Variants in RRM2 observed in about 807,000 individuals in gnomAD.
The protein encoded by RRM2 is ribonucleotide reductase regulatory subunit M2, also known as ribonucleoside-diphosphate reductase subunit M2.
A neutral mutation model predicts 45.9 loss-of-function variants in RRM2; 6 were observed. That is an observed-to-expected ratio of 0.13 (90% CI 0.07 to 0.26). The LOEUF (loss-of-function observed/expected upper bound fraction) is 0.26. RRM2 is among the 10% of genes least tolerant of loss of function. RRM2 has a pLI of 1.00. For synonymous variants in RRM2, 177 were observed against 173.0 expected (o/e 1.02, Z -0.18); for missense variants, 343 against 489.5 (o/e 0.70, Z 2.82).
intron 5 of RRM2, 139 bp downstream of exon 5, chr2:10,124,989 G>A: frequency 1.4e-6 from 1 of 723,314 alleles, no homozygotes; most frequent in East Asian, 2.6e-5. Context: ...CCGTGGTCAT[G>A]TCTGCTCTTA....
intron 3 of RRM2, chr2:10,146,278 G>T (rs199800149): frequency 1.3e-5 from 2 of 152,342 alleles, no homozygotes; most frequent in East Asian, 3.9e-4. Flanking sequence ...CCATGCCCTG[G>T]GCTGCCTCTT....
chr2:10,127,423 T>TA lies in RRM2; in HGVS notation c.798+204dup. 1.7e-6 allele frequency: 1 copy of TA among 584,306 alleles called. No homozygotes were observed. The highest frequency in any genetic ancestry group is 2.2e-5 in the South Asian group (1 of 46,356). 36.2% of individuals were successfully genotyped at this position (584,306 alleles called of 1,614,324 possible). On this transcript the variant is annotated intron_variant, in intron 7 of 9. Coordinates refer to ENST00000304567, the MANE Select transcript of RRM2 (RefSeq NM_001034.4). The surrounding 1 kb of genome is among the most constrained non-coding windows in gnomAD (Gnocchi z 4.1). ...TACTTGCATTCTCAATATATTGTAATACATTTGTACATATGTATTCCCCTA... is the reference window on the plus strand; with the variant it reads ...TACTTGCATTCTCAATATATTGTAATAACATTTGTACATATGTATTCCCCTA...
upstream of RRM2, among the ~76,000 whole-genome samples, chr2:10,137,944 C>T (rs1287789806): frequency 6.6e-6 from 1 of 152,184 alleles, no homozygotes; most frequent in Non-Finnish European, 1.5e-5. Context: ...AAGGGCACTT[C>T]CAGGTCCTGT....
At chr2:10,177,715 C>CTCCT (rs796693332) in intron 3 of RRM2, among the ~76,000 whole-genome samples, 3,727 of 150,900 alleles carry the variant, frequency 0.025, 170 homozygotes, top group African/African-American at 0.087. Context: ...TCCTCTCTCC[C>CTCCT]TCCCTCCCTC....
intron 5 of RRM2, 113 bp from the exon 6 acceptor site, chr2:10,126,762 G>C: frequency 1.3e-6 from 1 of 748,940 alleles, no homozygotes; most frequent in Non-Finnish European, 2.3e-6. Flanking sequence ...TTTAGGAAGA[G>C]GATTGGCAAA....
chr2:10,142,636 G>A (rs571835571), intron 3 of RRM2, among the ~76,000 whole-genome samples: 50 of 19,100 alleles, frequency 2.6e-3, no homozygotes, highest in African/African-American at 8.7e-3. Context: ...CAGTATAGCC[G>A]TATCCCTGCA....
Position 10,131,026 on chromosome 2 carries a change from C to G in RRM2, c.*1640C>G, listed in dbSNP as rs572272890. The G allele has an allele frequency of 2.6e-5, 4 of 152,168 alleles. No homozygotes were observed. The highest frequency in any genetic ancestry group is 7.2e-5 in the African/African-American group (3 of 41,520). 9.4% of individuals were successfully genotyped at this position (152,168 alleles called of 1,614,324 possible). A position where few individuals can be genotyped will look rare whatever the true frequency, so the allele number is the denominator to read the frequency against. On this transcript the variant is annotated 3_prime_UTR_variant, in exon 10 of 10. Coordinates refer to ENST00000304567, the MANE Select transcript of RRM2 (RefSeq NM_001034.4). ...GAGAGATAAATGTTGATCTTTTGGC[C>G]CCATTTGTTAATTGTATTCAGTATT...
chr2:10,192,132 C>T (rs2125329452), intron 3 of RRM2, among the ~76,000 whole-genome samples: 1 of 151,998 alleles, frequency 6.6e-6, no homozygotes, highest in Middle Eastern at 3.4e-3. Flanking sequence ...GGAGCCGCAG[C>T]CACCGTCCCA....
intron 3 of RRM2, among the ~76,000 whole-genome samples, chr2:10,160,156 A>C (rs111407618): frequency 0.023 from 3,454 of 151,924 alleles, 146 homozygotes; most frequent in African/African-American, 0.079. Flanking sequence ...ACCCTCCCCT[A>C]CGCCTTGCAC....
intron 3 of RRM2, among the ~76,000 whole-genome samples, chr2:10,182,712 C>T (rs1213740682): frequency 6.6e-6 from 1 of 152,190 alleles, no homozygotes; most frequent in East Asian, 1.9e-4. Context: ...CCGGCAGCTA[C>T]ATATCAGTGG....
At chr2:10,125,906 T>A (rs2125306788) in intron 5 of RRM2, among the ~76,000 whole-genome samples, 1 of 151,908 alleles carries the variant, frequency 6.6e-6, no homozygotes, top group African/African-American at 2.4e-5. Flanking sequence ...CGGGGGCAAA[T>A]GCCCAGAAGG....
At chr2:10,154,057 A>T (rs1663372009) in intron 3 of RRM2, among the ~76,000 whole-genome samples, 1 of 152,254 alleles carries the variant, frequency 6.6e-6, no homozygotes, top group Non-Finnish European at 1.5e-5. Flanking sequence ...GTTTTACCAC[A>T]ATTAAAGAGT....
At chr2:10,137,993 C>T (rs1416730689), upstream of RRM2, among the ~76,000 whole-genome samples, 1 of 152,078 alleles carries the variant, frequency 6.6e-6, no homozygotes, top group African/African-American at 2.4e-5. Context: ...TGACTTTAGG[C>T]TCCCTCTTTG....
intron 3 of RRM2, among the ~76,000 whole-genome samples, chr2:10,196,252 G>A (rs1298507171): frequency 6.6e-6 from 1 of 152,164 alleles, no homozygotes; most frequent in Non-Finnish European, 1.5e-5. Context: ...GGCCAGAGAG[G>A]GGTGGGGTGG....
chr2:10,186,989 G>T (rs1006159810), intron 3 of RRM2, among the ~76,000 whole-genome samples: 1 of 152,242 alleles, frequency 6.6e-6, no homozygotes, highest in Non-Finnish European at 1.5e-5. Flanking sequence ...TCCCCCGAAG[G>T]GGGGCTCAGA....
intron 3 of RRM2, among the ~76,000 whole-genome samples, chr2:10,143,770 C>T (rs1663134854): frequency 6.6e-6 from 1 of 152,182 alleles, no homozygotes; most frequent in Non-Finnish European, 1.5e-5. Flanking sequence ...TGGGTTCAAG[C>T]AATTCTCCTG....
rs1291378088 is a variant in RRM2 at position 10,195,894 on chromosome 2, G to A, written n.483-14417G>A. Among the ~76,000 whole-genome samples the A allele has an allele frequency of 2.0e-5, 3 of 152,188 alleles. No individual in the cohort carries two copies. Among genetic ancestry groups the A allele is most frequent in the African/African-American group, 7.2e-5 (3 of 41,444 alleles). On this transcript the variant is annotated intron_variant and non_coding_transcript_variant, in intron 3 of 3. Transcript: ENST00000381786. This position sits in a 1 kb window ranked among gnomAD's most constrained non-coding sequence, Gnocchi z 4.9. ...GCTTGGACAAGACAGAGACTCACAC[G>A]AGGAAATTCCTTTTGTTCCTACCCT...
At position 10,171,718 on chromosome 2, in the gene RRM2, G is replaced by A. The variant is rs915506539; in HGVS notation, n.482+29343G>A. ...GAGCCGAGCAGGGCAGCCGGGCAGA[G>A]GCAGGAATGAATCCTACTCAGCTGC... On this transcript the variant is annotated intron_variant and non_coding_transcript_variant, in intron 3 of 3. Transcript: ENST00000381786. This position sits in a 1 kb window ranked among gnomAD's most constrained non-coding sequence, Gnocchi z 4.1. Among the ~76,000 whole-genome samples, 6 of 152,230 alleles carry A rather than the reference G, an allele frequency of 3.9e-5. No homozygotes were observed. In the South Asian group the frequency reaches 1.2e-3, roughly 32 times the overall value.
At chr2:10,181,300 TGCC>T (rs1327504294) in intron 3 of RRM2, among the ~76,000 whole-genome samples, 3 of 145,900 alleles carry the variant, frequency 2.1e-5, no homozygotes, top group African/African-American at 7.7e-5. Context: ...TATTGCAATT[TGCC>T]TGCAGGATGG....
Sources: allele counts gnomAD v4.1 joint callset (sites outside exome capture counted in the v4.1 genomes callset), GRCh38; gene constraint gnomAD v4.1.1; non-coding constraint Gnocchi (gnomAD v3.1); transcripts MANE v1.5; gene names NCBI Gene and HGNC (gene_info 2026-07-23, HGNC 2026-07-21).